The following VWA5B1 variants were observed in gnomAD, a reference collection of about 807,000 sequenced individuals.
VWA5B1 encodes the protein von Willebrand factor A domain-containing protein 5B1.
In VWA5B1, 115 loss-of-function variants were observed where a neutral mutation model predicts 118.2. That is an observed-to-expected ratio of 0.97 (90% confidence interval 0.84 to 1.14). The LOEUF is 1.14. Among genes scored for constraint, VWA5B1 ranks in the 50% most tolerant of loss-of-function variants. VWA5B1 has a pLI of 0.00. For synonymous variants in VWA5B1, 682 were observed against 658.4 expected (o/e 1.04, Z -0.55); for missense variants, 1,596 against 1,603.8 (o/e 1.00, Z 0.08).
At chr1:20,326,550 C>T (rs2089389063) in intron 8 of VWA5B1, among the ~76,000 whole-genome samples, 1 of 152,122 alleles carries the variant, frequency 6.6e-6, no homozygotes, top group Admixed American at 6.5e-5. Flanking sequence ...ACTGCAGCCT[C>T]CGCCTCCCGG....
intron 17 of VWA5B1, among the ~76,000 whole-genome samples, chr1:20,347,799 C>A (rs953120966): frequency 1.1e-4 from 16 of 151,882 alleles, no homozygotes; most frequent in Non-Finnish European, 2.1e-4. Flanking sequence ...CCATCCAACC[C>A]CTCTTGGTGA....
intron 4 of VWA5B1, 142 bp from the exon 5 acceptor site, chr1:20,317,387 AG>A: frequency 9.1e-7 from 1 of 1,101,962 alleles, no homozygotes; most frequent in Non-Finnish European, 1.2e-6. Flanking sequence ...CCCTGGGGTC[AG>A]GTTGAGTGGG....
intron 1 of VWA5B1, among the ~76,000 whole-genome samples, chr1:20,291,665 G>T (rs936699410): frequency 2.0e-5 from 3 of 152,040 alleles, no homozygotes; most frequent in African/African-American, 7.2e-5. Flanking sequence ...GCCCACCCCG[G>T]CAGCCGGGCT....
At chr1:20,347,710 A>G (rs2090036944) in intron 17 of VWA5B1, among the ~76,000 whole-genome samples, 1 of 151,774 alleles carries the variant, frequency 6.6e-6, no homozygotes, top group Non-Finnish European at 1.5e-5. Context: ...TGATCCTCCC[A>G]TCTCAGCCTC....
chr1:20,331,210 A>G (rs1260595486), intron 11 of VWA5B1, among the ~76,000 whole-genome samples: 7 of 152,106 alleles, frequency 4.6e-5, no homozygotes, highest in South Asian at 4.2e-4. Context: ...CTGGACACAC[A>G]CTCCATCCAC....
In VWA5B1 at chr1:20,354,181, C is replaced by A. The variant is rs1182389478; in HGVS notation, c.3566C>A (p.Ala1189Asp). The change falls in exon 22 of 22, where the codon GCC (alanine) becomes GAC (aspartate). Residue 1189 changes from alanine to aspartate, a missense_variant. By Grantham distance (126) the Ala-to-Asp change is moderately radical. Transcript: ENST00000289815. ...ACGCAGGGCACACTCAAGGCCGCTG[C>A]CCGCCAGCTGTTTGTGCTTCTGCGG... ...GRTQGTLKAA[A>D]RQLFVLLRHW... The A allele has an allele frequency of 1.9e-6, 3 of 1,551,200 alleles. No individual in the cohort carries two copies. The highest frequency in any genetic ancestry group is 2.7e-5 in the African/African-American group (2 of 73,048).
At chr1:20,312,253 G>C (rs190770045) in intron 2 of VWA5B1, among the ~76,000 whole-genome samples, 1 of 152,308 alleles carries the variant, frequency 6.6e-6, no homozygotes. Context: ...AGCTTCGAAA[G>C]TTTGAGAAGC....
intron 7 of VWA5B1, among the ~76,000 whole-genome samples, chr1:20,322,615 C>T (rs1047410789): frequency 6.6e-6 from 1 of 152,096 alleles, no homozygotes; most frequent in African/African-American, 2.4e-5. Flanking sequence ...AGGCAGAGAT[C>T]GGAGCAAAAA....
In VWA5B1 at chr1:20,353,767, A is replaced by T. The variant is rs1038113408; in HGVS notation, c.3152A>T (p.Gln1051Leu). The change falls in exon 22 of 22, where the codon CAG (glutamine) becomes CTG (leucine). Residue 1051 changes from glutamine to leucine, a missense_variant. Gln to Leu is a moderately radical substitution (Grantham distance 113, BLOSUM62 -2). Transcript: ENST00000289815. ...SFDYIPLVSLQLASGAFLLNE... is the reference protein window; with the variant it reads ...SFDYIPLVSLLLASGAFLLNE... ...TTCCCCCACACACAGGTGTCTCTGCAGCTGGCCTCCGGAGCCTTCCTGCTC... is the reference window on the plus strand; with the variant it reads ...TTCCCCCACACACAGGTGTCTCTGCTGCTGGCCTCCGGAGCCTTCCTGCTC... 4.8e-6 allele frequency: 7 copies of T among 1,458,330 alleles called. No individual in the cohort carries two copies. In the South Asian group the frequency reaches 1.0e-4, roughly 21 times the overall value. 90.3% of individuals were successfully genotyped at this position (1,458,330 alleles called of 1,614,324 possible).
rs41264543 is a variant in VWA5B1, at chr1:20,350,923, C to G, written c.3020C>G (p.Ser1007Cys). The G allele has an allele frequency of 1.3e-6, 2 of 1,551,740 alleles. No homozygotes were observed. Among genetic ancestry groups the G allele is most frequent in the Non-Finnish European group, 1.7e-6 (2 of 1,146,996 alleles). Residue 1007 changes from serine to cysteine, a missense_variant, in exon 20 of 22, where the codon TCC becomes TGC. Coordinates refer to ENST00000289815, the MANE Select transcript of VWA5B1 (RefSeq NM_001039500.3). The stretch of plus-strand genomic sequence containing the variant: ...AAGGCCTCAGAGAATCTCTTTGGAT[C>G]CTGGTAGGTGGGATTTCCAATAAAG... The part of the protein sequence containing the change: ...SMKASENLFG[S>C]WLNLNKSRLL...
At chr1:20,301,307 G>A (rs2088497649) in intron 1 of VWA5B1, among the ~76,000 whole-genome samples, 1 of 152,178 alleles carries the variant, frequency 6.6e-6, no homozygotes, top group African/African-American at 2.4e-5. Context: ...ATTTACTGGG[G>A]ACCAGAAACT....
At chr1:20,292,333 G>A (rs866042862) in intron 1 of VWA5B1, among the ~76,000 whole-genome samples, 13 of 152,156 alleles carry the variant, frequency 8.5e-5, no homozygotes, top group Middle Eastern at 3.4e-3. Flanking sequence ...ATGAGCTCTG[G>A]TCCTCCTGCT....
chr1:20,315,056 C>T (rs909453055), intron 4 of VWA5B1, among the ~76,000 whole-genome samples: 6 of 152,130 alleles, frequency 3.9e-5, no homozygotes, highest in African/African-American at 1.4e-4. Flanking sequence ...CTGAAAAGTA[C>T]AAGGAAGGAG....
chr1:20,354,149 G>C lies in VWA5B1; in HGVS notation c.3534G>C (p.Glu1178Asp). 1 of 1,551,366 alleles carries C rather than the reference G, an allele frequency of 6.4e-7. No individual in the cohort carries two copies. Among genetic ancestry groups the C allele is most frequent in the Non-Finnish European group, 8.7e-7 (1 of 1,147,004 alleles). Residue 1178 changes from glutamate (E) to aspartate (D), a missense_variant, in exon 22 of 22, where the codon GAG (glutamate) becomes GAC (aspartate). By Grantham distance (45) the Glu-to-Asp change is conservative. Transcript: ENST00000289815. ...NSWLEQQEVP[E>D]GRTQGTLKAA... ...GGCTGGAGCAGCAGGAAGTACCCGA[G>C]GGCCGCACGCAGGGCACACTCAAGG...
At chr1:20,323,276 G>C (rs1427241351) in intron 7 of VWA5B1, 80 bp from the exon 8 acceptor site, 2 of 1,289,322 alleles carry the variant, frequency 1.6e-6, no homozygotes, top group Non-Finnish European at 2.0e-6. Flanking sequence ...GGTGCACGGT[G>C]AGTGACGGGG....
At chr1:20,328,877 C>G (rs1438896004) in intron 9 of VWA5B1, among the ~76,000 whole-genome samples, 1 of 152,186 alleles carries the variant, frequency 6.6e-6, no homozygotes, top group Admixed American at 6.5e-5. Flanking sequence ...AGAAAAGACA[C>G]TGCTAAGAGC....
intron 11 of VWA5B1, 105 bp downstream of exon 11, chr1:20,331,088 G>A: frequency 3.1e-6 from 3 of 954,774 alleles, no homozygotes; most frequent in Non-Finnish European, 4.6e-6. Flanking sequence ...CCCCAAATCT[G>A]AGCTCTTCAC....
chr1:20,348,732 G>A (rs1203623199), intron 18 of VWA5B1, among the ~76,000 whole-genome samples: 2 of 152,354 alleles, frequency 1.3e-5, no homozygotes, highest in Admixed American at 6.5e-5. Flanking sequence ...AGCGAAGAGC[G>A]AAGAGGCAGT....
chr1:20,348,422 T>C, intron 18 of VWA5B1, 64 bp downstream of exon 18: 1 of 1,501,252 alleles, frequency 6.7e-7, no homozygotes, highest in African/African-American at 1.4e-5. Context: ...CCCCTGAGGT[T>C]ACCGCGTCCT....
Sources: gnomAD v4.1 joint callset for allele counts (sites outside exome capture counted in the v4.1 genomes callset) on GRCh38, gnomAD v4.1.1 for gene constraint, MANE v1.5 for transcripts, NCBI Gene and HGNC (gene_info 2026-07-23, HGNC 2026-07-21) for gene names.